The following KCNH8 variants were observed in gnomAD, a reference collection of about 807,000 sequenced individuals.
The protein encoded by KCNH8 is voltage-gated delayed rectifier potassium channel KCNH8.
A neutral mutation model predicts 103.6 loss-of-function variants in KCNH8; 70 were observed. That is an observed-to-expected ratio of 0.68 (90% CI 0.56 to 0.82). KCNH8 has a LOEUF of 0.82. KCNH8 is among the 40% of genes least tolerant of loss of function. The pLI, the probability that KCNH8 is intolerant of heterozygous loss-of-function variation, is 0.00. For synonymous variants in KCNH8, 498 were observed against 489.4 expected, an observed-to-expected ratio of 1.02 and a Z score of -0.23; for missense variants, 1,217 against 1,329.9, an observed-to-expected ratio of 0.92 and a Z score of 1.32.
At chr3:19,185,712 A>T (rs983748740) in intron 1 of KCNH8, among the ~76,000 whole-genome samples, 1 of 151,970 alleles carries the variant, frequency 6.6e-6, no homozygotes, top group Admixed American at 6.6e-5. Flanking sequence ...TTATGCTCCT[A>T]TGATTTATTT....
intron 8 of KCNH8, among the ~76,000 whole-genome samples, chr3:19,448,168 C>T (rs2067390821): frequency 1.3e-5 from 2 of 151,790 alleles, no homozygotes; most frequent in Admixed American, 6.6e-5. Context: ...TTAAAAAATA[C>T]ATTTGTCTTT....
chr3:19,253,731 C>G lies in KCNH8; in HGVS notation c.154C>G (p.Leu52Val). The G allele has an allele frequency of 6.2e-7, 1 of 1,613,814 alleles. No homozygotes were observed. Among genetic ancestry groups the G allele is most frequent in the Non-Finnish European group, 8.5e-7 (1 of 1,179,920 alleles). Residue 52 changes from leucine to valine, a missense_variant, in exon 2 of 16, where the codon CTT (leucine) becomes GTT (valine). Leu to Val is a conservative substitution (Grantham distance 32). Coordinates refer to ENST00000328405, the MANE Select transcript of KCNH8 (RefSeq NM_144633.3). Reference sequence around the variant, plus strand: ...CTACTGTTCCGATGGCTTCTGCGAGCTTGCTGGATTTGCCCGAACTGAAGT... The same window carrying G: ...CTACTGTTCCGATGGCTTCTGCGAGGTTGCTGGATTTGCCCGAACTGAAGT... ...IVYCSDGFCELAGFARTEVMQ... is the reference protein window; with the variant it reads ...IVYCSDGFCEVAGFARTEVMQ...
intron 5 of KCNH8, among the ~76,000 whole-genome samples, chr3:19,384,921 G>T (rs1469091502): frequency 6.6e-6 from 1 of 152,272 alleles, no homozygotes; most frequent in East Asian, 1.9e-4. Context: ...AATTGGAAAG[G>T]CTGGGTGGGT....
At chr3:19,432,831 G>C (rs2067142596) in intron 7 of KCNH8, among the ~76,000 whole-genome samples, 1 of 152,076 alleles carries the variant, frequency 6.6e-6, no homozygotes, top group Non-Finnish European at 1.5e-5. Context: ...CCTAATCTTT[G>C]TTATGCTTTT....
intron 2 of KCNH8, among the ~76,000 whole-genome samples, chr3:19,255,121 GCA>G (rs2064330568): frequency 6.6e-6 from 1 of 152,074 alleles, no homozygotes. Context: ...CTGAGGGTGT[GCA>G]CACACAAAAG....
intron 3 of KCNH8, among the ~76,000 whole-genome samples, chr3:19,336,283 G>C (rs2065583877): frequency 6.6e-6 from 1 of 151,502 alleles, no homozygotes; most frequent in South Asian, 2.1e-4. Flanking sequence ...ATTTCCAAAA[G>C]TCTATAAATT....
chr3:19,202,242 A>T (rs1361820457), intron 1 of KCNH8, among the ~76,000 whole-genome samples: 2 of 152,008 alleles, frequency 1.3e-5, no homozygotes, highest in African/African-American at 4.8e-5. Context: ...ATGTATTTGA[A>T]GTTTTCAGTT....
chr3:19,197,211 C>G (rs2063610994), intron 1 of KCNH8, among the ~76,000 whole-genome samples: 1 of 151,994 alleles, frequency 6.6e-6, no homozygotes, highest in South Asian at 2.1e-4. Flanking sequence ...ACTGTTGACT[C>G]CAGAATTTAA....
chr3:19,212,447 C>G (rs895124674), intron 1 of KCNH8, among the ~76,000 whole-genome samples: 1 of 152,202 alleles, frequency 6.6e-6, no homozygotes, highest in Non-Finnish European at 1.5e-5. Flanking sequence ...CTTTGGCCTT[C>G]ACACAGCCAG....
intron 7 of KCNH8, among the ~76,000 whole-genome samples, chr3:19,427,569 A>G (rs924226815): frequency 6.6e-6 from 1 of 152,230 alleles, no homozygotes; most frequent in Non-Finnish European, 1.5e-5. Context: ...ACCTATATCA[A>G]TATCTTGCAA....
chr3:19,230,935 G>A (rs2063987459), intron 1 of KCNH8, among the ~76,000 whole-genome samples: 1 of 152,114 alleles, frequency 6.6e-6, no homozygotes, highest in South Asian at 2.1e-4. Flanking sequence ...TTTGCCTTAA[G>A]AAAGATGTAA....
chr3:19,368,504 C>A (rs9875843), intron 5 of KCNH8, among the ~76,000 whole-genome samples: 26,971 of 151,872 alleles, frequency 0.18, 2,767 homozygotes, highest in African/African-American at 0.28. Context: ...AACAAGAAAG[C>A]AGCTGTAGTT....
intron 5 of KCNH8, among the ~76,000 whole-genome samples, chr3:19,358,208 T>A (rs530006792): frequency 1.4e-5 from 2 of 142,630 alleles, no homozygotes; most frequent in Non-Finnish European, 3.2e-5. Flanking sequence ...TTTTTCTTTC[T>A]CTTTCTCTTT....
intron 3 of KCNH8, among the ~76,000 whole-genome samples, chr3:19,336,041 C>CT (rs1215338873): frequency 6.6e-6 from 1 of 151,084 alleles, no homozygotes; most frequent in Non-Finnish European, 1.5e-5. Context: ...CTAGTTTACT[C>CT]TTTTTTATTG....
At chr3:19,241,332 T>C (rs1481344340) in intron 1 of KCNH8, among the ~76,000 whole-genome samples, 1 of 152,178 alleles carries the variant, frequency 6.6e-6, no homozygotes, top group Non-Finnish European at 1.5e-5. Context: ...ACGATTCAAC[T>C]ACTTCACCTT....
At chr3:19,159,827 A>G (rs2063217070) in intron 1 of KCNH8, among the ~76,000 whole-genome samples, 1 of 152,104 alleles carries the variant, frequency 6.6e-6, no homozygotes, top group Admixed American at 6.6e-5. Flanking sequence ...TACACCAACT[A>G]GTAATGTCTC....
At chr3:19,265,035 A>T (rs1027733934) in intron 2 of KCNH8, among the ~76,000 whole-genome samples, 2 of 152,174 alleles carry the variant, frequency 1.3e-5, no homozygotes, top group South Asian at 2.1e-4. Flanking sequence ...TAGGCATGCC[A>T]GGCACTATAC....
At chr3:19,219,250 T>A (rs761750168) in intron 1 of KCNH8, among the ~76,000 whole-genome samples, 1 of 152,170 alleles carries the variant, frequency 6.6e-6, no homozygotes, top group African/African-American at 2.4e-5. Flanking sequence ...TCCTCAGTAA[T>A]GCCTACCCAG....
At chr3:19,486,094 A>G (rs1240883385) in intron 11 of KCNH8, among the ~76,000 whole-genome samples, 1 of 152,228 alleles carries the variant, frequency 6.6e-6, no homozygotes, top group Non-Finnish European at 1.5e-5. Context: ...ACCACCACAT[A>G]TCCTGCACAT....
Sources: allele counts gnomAD v4.1 joint callset (sites outside exome capture counted in the v4.1 genomes callset), GRCh38; gene constraint gnomAD v4.1.1; transcripts MANE v1.5; gene names NCBI Gene and HGNC (gene_info 2026-07-23, HGNC 2026-07-21).